The following ADAMTS2 variants were observed in gnomAD, a reference collection of about 807,000 sequenced individuals.
ADAMTS2 encodes ADAM metallopeptidase with thrombospondin type 1 motif 2, also known as A disintegrin and metalloproteinase with thrombospondin motifs 2.
ADAMTS2 carries 50 observed loss-of-function variants against 123.0 expected under a neutral mutation model. The observed-to-expected ratio is 0.41, with a 90% CI of 0.32 to 0.51. The LOEUF (loss-of-function observed/expected upper bound fraction) is 0.51. Ranked by LOEUF, ADAMTS2 falls within the 20% of genes least tolerant of loss-of-function variation. The probability of loss-of-function intolerance (pLI) is 0.35; values close to 1 mark genes in which losing one functional copy is unlikely to be tolerated. For missense variants in ADAMTS2, 1,494 were observed against 1,705.2 expected (o/e 0.88, Z 2.18); for synonymous variants, 678 against 695.4 (o/e 0.98, Z 0.39).
At position 179,136,003 on chromosome 5, in the gene ADAMTS2, G is replaced by A; in HGVS notation, c.1991C>T (p.Thr664Ile). Residue 664 changes from threonine to isoleucine, a missense_variant, in exon 13 of 22, where the codon ACC becomes ATC. Thr to Ile is a moderately conservative substitution (Grantham distance 89, BLOSUM62 -1). Coordinates refer to ENST00000251582, the MANE Select transcript of ADAMTS2 (RefSeq NM_014244.5). Reference sequence around the variant, plus strand: ...GCGCTTCATGGACACCACCTCCCCGGTCTCCCTGGACTCGCAGTACAGGTG... The same window carrying A: ...GCGCTTCATGGACACCACCTCCCCGATCTCCCTGGACTCGCAGTACAGGTG... The part of the protein sequence containing the change: ...RCHLYCESRE[T>I]GEVVSMKRMV... 6.2e-7 allele frequency: 1 copy of A among 1,613,456 alleles called. No individual in the cohort carries two copies. Among genetic ancestry groups the A allele is most frequent in the Non-Finnish European group, 8.5e-7 (1 of 1,180,042 alleles).
chr5:179,193,938 C>T (rs913604972), intron 4 of ADAMTS2, among the ~76,000 whole-genome samples: 3 of 152,190 alleles, frequency 2.0e-5, no homozygotes, highest in Non-Finnish European at 4.4e-5. Context: ...CCCGACAGCC[C>T]GGCGTGGCAC....
intron 13 of ADAMTS2, among the ~76,000 whole-genome samples, chr5:179,134,776 T>G (rs1298651): frequency 0.15 from 4,465 of 29,150 alleles, 309 homozygotes; most frequent in African/African-American, 0.19. Flanking sequence ...CCCGGCTCCA[T>G]CCCCCAGCTC....
intron 13 of ADAMTS2, among the ~76,000 whole-genome samples, chr5:179,134,176 T>C (rs1198658246): frequency 6.6e-6 from 1 of 152,178 alleles, no homozygotes; most frequent in Non-Finnish European, 1.5e-5. Context: ...CCTGTATTAA[T>C]TATGTTTTTG....
At chr5:179,240,568 C>T (rs976690000) in intron 3 of ADAMTS2, among the ~76,000 whole-genome samples, 1 of 152,136 alleles carries the variant, frequency 6.6e-6, no homozygotes, top group Non-Finnish European at 1.5e-5. Flanking sequence ...GTATAGGGGC[C>T]GCTGGCAAAA....
chr5:179,207,395 G>C lies in ADAMTS2; in HGVS notation c.891+118C>G. The C allele has an allele frequency of 4.5e-6, 5 of 1,102,656 alleles. No individual in the cohort carries two copies. The Admixed American group carries it at 7.9e-5, about 17-fold the overall frequency. The allele number at this position is 1,102,656 out of a possible 1,614,324, so 68.3% of individuals were successfully genotyped here. A position where few individuals can be genotyped will look rare whatever the true frequency, so the allele number is the denominator to read the frequency against. On this transcript the variant is annotated intron_variant, in intron 4 of 21. Coordinates refer to ENST00000251582, the MANE Select transcript of ADAMTS2 (RefSeq NM_014244.5). Reference sequence around the variant, plus strand: ...CCCTGAGACTGTGTCACTCACCTCCGGCTAACAAGGAAATCGGCAGAGCCT... The same window carrying C: ...CCCTGAGACTGTGTCACTCACCTCCCGCTAACAAGGAAATCGGCAGAGCCT...
intron 3 of ADAMTS2, among the ~76,000 whole-genome samples, chr5:179,233,370 A>T (rs1765453183): frequency 8.5e-6 from 1 of 117,586 alleles, no homozygotes; most frequent in Non-Finnish European, 1.7e-5. Context: ...TATGCTTGTT[A>T]AAATGTGTCA....
chr5:179,154,151 T>A lies in ADAMTS2; in HGVS notation c.1280A>T (p.Asp427Val). ...CATGATGCTGCCCAGCCGCACCTCG[T>A]CGCCACAGCGGTTGCCCTGCCCGTC... Reference protein sequence around the residue: ...EHDGQGNRCGDEVRLGSIMAP... With the variant: ...EHDGQGNRCGVEVRLGSIMAP... Residue 427 changes from aspartate to valine, a missense_variant, in exon 8 of 22, where the codon GAC becomes GTC. Coordinates refer to ENST00000251582, the MANE Select transcript of ADAMTS2 (RefSeq NM_014244.5). 1.3e-6 allele frequency: 2 copies of A among 1,577,416 alleles called. No individual in the cohort carries two copies. The highest frequency in any genetic ancestry group is 1.7e-6 in the Non-Finnish European group (2 of 1,168,224).
chr5:179,267,997 T>C (rs1052440976), intron 3 of ADAMTS2, among the ~76,000 whole-genome samples: 2 of 152,230 alleles, frequency 1.3e-5, no homozygotes, highest in African/African-American at 4.8e-5. Flanking sequence ...GCCGACTCAC[T>C]GAGCTCAGCG....
chr5:179,156,669 T>A (rs1054646178), intron 6 of ADAMTS2, among the ~76,000 whole-genome samples: 1 of 152,188 alleles, frequency 6.6e-6, no homozygotes, highest in Non-Finnish European at 1.5e-5. Flanking sequence ...ACCTTTCGAA[T>A]TTTTTACTTC....
At chr5:179,171,332 G>A (rs530327572) in intron 5 of ADAMTS2, among the ~76,000 whole-genome samples, 13 of 152,276 alleles carry the variant, frequency 8.5e-5, no homozygotes, top group African/African-American at 2.4e-4. Flanking sequence ...CAGCACATTC[G>A]CTAAGTCAGC....
intron 3 of ADAMTS2, among the ~76,000 whole-genome samples, chr5:179,221,680 C>T (rs554522295): frequency 2.0e-5 from 3 of 152,264 alleles, no homozygotes; most frequent in South Asian, 2.1e-4. Context: ...CCCATGTGGG[C>T]GGGCAGCAGC....
chr5:179,211,785 C>A (rs111383617), intron 3 of ADAMTS2, among the ~76,000 whole-genome samples: 1 of 152,090 alleles, frequency 6.6e-6, no homozygotes, highest in Non-Finnish European at 1.5e-5. Flanking sequence ...GCTGCAACTG[C>A]CAGCATCCTA....
intron 5 of ADAMTS2, among the ~76,000 whole-genome samples, chr5:179,176,433 T>C (rs540362375): frequency 2.6e-5 from 4 of 152,262 alleles, no homozygotes; most frequent in Admixed American, 2.6e-4. Flanking sequence ...TGGCACCAGG[T>C]ACCTCTAACT....
rs1756702170 is a variant in ADAMTS2, at chr5:179,307,226, T to C, written c.535-34162A>G. On this transcript the variant is annotated intron_variant, in intron 2 of 21. Coordinates refer to ENST00000251582, the MANE Select transcript of ADAMTS2 (RefSeq NM_014244.5). The surrounding 1 kb of genome is among the most constrained non-coding windows in gnomAD (Gnocchi z 5.6). ...GCCCCTGCCCTGCTGTGCTCCGCCA[T>C]CTGCCCCAGCAGTGCTGTGAGAGCA... Among the ~76,000 whole-genome samples, 1 of 152,072 alleles carries C rather than the reference T, an allele frequency of 6.6e-6. No homozygotes were observed. Among genetic ancestry groups the C allele is most frequent in the South Asian group, 2.1e-4 (1 of 4,828 alleles).
intron 5 of ADAMTS2, among the ~76,000 whole-genome samples, chr5:179,167,955 C>G (rs1483991261): frequency 2.0e-5 from 3 of 152,192 alleles, no homozygotes; most frequent in African/African-American, 7.2e-5. Context: ...GCTCATGCCC[C>G]CAAGGGGATG....
chr5:179,274,093 C>T (rs1000817115), intron 2 of ADAMTS2, among the ~76,000 whole-genome samples: 6 of 151,708 alleles, frequency 4.0e-5, no homozygotes, highest in African/African-American at 1.5e-4. Flanking sequence ...CTGCCCTCCC[C>T]TGCCATCCAG....
intron 20 of ADAMTS2, among the ~76,000 whole-genome samples, chr5:179,122,368 C>A (rs1484142910): frequency 6.7e-6 from 1 of 150,238 alleles, no homozygotes; most frequent in East Asian, 2.0e-4. Flanking sequence ...TACACCATAG[C>A]CACCAGCATT....
At chr5:179,233,374 T>G (rs1222605217) in intron 3 of ADAMTS2, among the ~76,000 whole-genome samples, 1 of 99,928 alleles carries the variant, frequency 1.0e-5, no homozygotes, top group East Asian at 3.7e-4. Flanking sequence ...CTTGTTAAAA[T>G]GTGTCACATT....
Position 179,132,217 on chromosome 5 carries a change from C to T in ADAMTS2, c.2290+13G>A, listed in dbSNP as rs368267104. ...GTCCTGAGGACGTCAAGTTGTCCGG[C>T]TCTGAGACTCACCCAGATGGTGGCT... is the stretch of plus-strand genomic sequence containing the variant. On this transcript the variant is annotated intron_variant, in intron 15 of 21. Transcript: ENST00000251582. This position sits in a 1 kb window ranked among gnomAD's most constrained non-coding sequence, Gnocchi z 6.1. The T allele has an allele frequency of 4.0e-5, 64 of 1,613,552 alleles. No homozygotes were observed. The African/African-American group carries it at 8.1e-4, about 20-fold the overall frequency.
Sources: allele counts gnomAD v4.1 joint callset (sites outside exome capture counted in the v4.1 genomes callset), GRCh38; gene constraint gnomAD v4.1.1; non-coding constraint Gnocchi (gnomAD v3.1); transcripts MANE v1.5; gene names NCBI Gene and HGNC (gene_info 2026-07-23, HGNC 2026-07-21).